GRAMD1B: variants seen among roughly 807,000 people sequenced by gnomAD.
The protein encoded by GRAMD1B is protein Aster-B.
Under a neutral mutation model 99.7 loss-of-function variants are expected in GRAMD1B, and 37 were observed. That is an observed-to-expected ratio of 0.37 (90% CI 0.29 to 0.49). The LOEUF is 0.49. Among genes scored for constraint, GRAMD1B ranks in the 20% least tolerant of loss-of-function variants. GRAMD1B has a pLI of 0.98. For missense variants in GRAMD1B, 888 were observed against 1,009.2 expected, an observed-to-expected ratio of 0.88 and a Z score of 1.63; for synonymous variants, 427 against 387.6, an observed-to-expected ratio of 1.10 and a Z score of -1.19.
At chr11:123,520,312 T>G (rs1047012147) in intron 2 of GRAMD1B, among the ~76,000 whole-genome samples, 2 of 152,154 alleles carry the variant, frequency 1.3e-5, no homozygotes, top group Admixed American at 6.5e-5. Flanking sequence ...TCTGTGAAAG[T>G]ATAGCTGTGA....
chr11:123,618,825 C>T, intron 18 of GRAMD1B, 25 bp downstream of exon 18: 2 of 1,160,438 alleles, frequency 1.7e-6, no homozygotes, highest in Non-Finnish European at 2.5e-6. Flanking sequence ...GTCCCCTCAC[C>T]TCCACCTTCA....
chr11:123,371,263 A>G (rs998944781), intron 1 of GRAMD1B, among the ~76,000 whole-genome samples: 7 of 151,954 alleles, frequency 4.6e-5, no homozygotes, highest in Admixed American at 1.3e-4. Flanking sequence ...ACCATCTTGG[A>G]TTAGTTAGTG....
chr11:123,528,218 G>A (rs1463154860), intron 2 of GRAMD1B, among the ~76,000 whole-genome samples: 1 of 152,104 alleles, frequency 6.6e-6, no homozygotes, highest in Non-Finnish European at 1.5e-5. Context: ...CTGGTACTCA[G>A]GGTACTCCCT....
chr11:123,519,564 T>G (rs1401525263), intron 2 of GRAMD1B, among the ~76,000 whole-genome samples: 5 of 152,206 alleles, frequency 3.3e-5, no homozygotes, highest in Non-Finnish European at 7.3e-5. Context: ...TGCCTGAGCT[T>G]AGAGCTTTGA....
Position 123,377,361 on chromosome 11 carries a change from T to C in GRAMD1B, c.-176+18562T>C, listed in dbSNP as rs1453105089. Among the ~76,000 whole-genome samples, 3 of 152,172 alleles carry C rather than the reference T, an allele frequency of 2.0e-5. No individual in the cohort carries two copies. The East Asian group carries it at 5.8e-4, about 29-fold the overall frequency. ...ACTTAATGATCATTCTCATGTTTGA[T>C]GAGATGTTCTGGGTGGATAAAGCAT... On this transcript the variant is annotated intron_variant, in intron 1 of 20. Transcript: ENST00000638157.
At chr11:123,414,595 C>A (rs1477386229) in intron 1 of GRAMD1B, among the ~76,000 whole-genome samples, 1 of 152,150 alleles carries the variant, frequency 6.6e-6, no homozygotes, top group African/African-American at 2.4e-5. Flanking sequence ...TCATCCCTAT[C>A]CCCCTTGTCT....
At chr11:123,436,756 A>AT (rs908404105) in intron 1 of GRAMD1B, among the ~76,000 whole-genome samples, 14 of 151,768 alleles carry the variant, frequency 9.2e-5, no homozygotes, top group Admixed American at 3.3e-4. Flanking sequence ...AGACGGCACA[A>AT]TTTTTTTTTA....
chr11:123,590,320 G>C (rs996641635), intron 4 of GRAMD1B, among the ~76,000 whole-genome samples: 1 of 152,204 alleles, frequency 6.6e-6, no homozygotes, highest in Non-Finnish European at 1.5e-5. Flanking sequence ...GGATGGATGG[G>C]TTGGTGAGGT....
At chr11:123,536,388 C>G (rs1591870268) in intron 2 of GRAMD1B, among the ~76,000 whole-genome samples, 1 of 152,206 alleles carries the variant, frequency 6.6e-6, no homozygotes, top group African/African-American at 2.4e-5. Context: ...GGACTCCAGC[C>G]TGGGTGACAG....
intron 2 of GRAMD1B, among the ~76,000 whole-genome samples, chr11:123,576,700 C>A (rs74562398): frequency 0.012 from 1,874 of 152,272 alleles, 43 homozygotes; most frequent in African/African-American, 0.042. Flanking sequence ...GAAGCAGGAA[C>A]CCACATGGCT....
chr11:123,358,940 T>G (rs1946046134), intron 1 of GRAMD1B: 1 of 152,288 alleles, frequency 6.6e-6, no homozygotes, highest in Non-Finnish European at 1.5e-5. Context: ...ATTTTCTTAG[T>G]GAAACATCAA....
At chr11:123,581,130 C>T (rs76255482) in intron 3 of GRAMD1B, among the ~76,000 whole-genome samples, 1,730 of 152,250 alleles carry the variant, frequency 0.011, 38 homozygotes, top group African/African-American at 0.039. Context: ...TAACCTGGGT[C>T]TGTTTCCAGG....
intron 2 of GRAMD1B, among the ~76,000 whole-genome samples, chr11:123,515,482 CA>C (rs1941584506): frequency 6.6e-6 from 1 of 152,076 alleles, no homozygotes; most frequent in African/African-American, 2.4e-5. Context: ...GCAAATATTC[CA>C]AAATCCAAAA....
chr11:123,606,617 G>A lies in GRAMD1B; in HGVS notation c.1332G>A (p.Gly444=). The change falls in exon 11 of 20, where the codon GGG becomes GGA. Residue 444 remains glycine (G), a synonymous_variant. Coordinates refer to ENST00000635736, the MANE Select transcript of GRAMD1B (RefSeq NM_001387025.1). ...GSSEAPVSFD[G]LPLEEEALEG... ...CTCTGTCTTGGCTCCAGTTTGATGGGCTGCCCCTGGAGGAAGAGGCGCTGG... is the reference window on the plus strand; with the variant it reads ...CTCTGTCTTGGCTCCAGTTTGATGGACTGCCCCTGGAGGAAGAGGCGCTGG... 1.2e-6 allele frequency: 2 copies of A among 1,609,552 alleles called. No individual in the cohort carries two copies. The highest frequency in any genetic ancestry group is 1.1e-5 in the South Asian group (1 of 89,696).
intron 11 of GRAMD1B, among the ~76,000 whole-genome samples, chr11:123,607,425 T>C (rs771895187): frequency 6.6e-6 from 1 of 152,180 alleles, no homozygotes; most frequent in Non-Finnish European, 1.5e-5. Flanking sequence ...ATTTCCTCCA[T>C]TGAGTGAGTG....
Position 123,610,623 on chromosome 11 carries a change from G to T in GRAMD1B, c.1919+285G>T, listed in dbSNP as rs570440005. Among the ~76,000 whole-genome samples, 1 of 152,320 alleles carries T rather than the reference G, an allele frequency of 6.6e-6. No homozygotes were observed. Among genetic ancestry groups the T allele is most frequent in the Non-Finnish European group, 1.5e-5 (1 of 68,034 alleles). ...AGGCGCTTTACCTACATTCACTGGA[G>T]TCTTTAGAACGACTCAAAGAGGTGG... On this transcript the variant is annotated intron_variant, in intron 14 of 19. Coordinates refer to ENST00000635736, the MANE Select transcript of GRAMD1B (RefSeq NM_001387025.1). This position sits in a 1 kb window ranked among gnomAD's most constrained non-coding sequence, Gnocchi z 4.1.
At chr11:123,414,991 T>C (rs148736203) in intron 1 of GRAMD1B, among the ~76,000 whole-genome samples, 103 of 152,142 alleles carry the variant, frequency 6.8e-4, no homozygotes, top group African/African-American at 2.4e-3. Context: ...TAAAACACAT[T>C]CAGAATGGCC....
At chr11:123,539,600 TCAAA>T (rs565393606) in intron 2 of GRAMD1B, among the ~76,000 whole-genome samples, 7 of 152,002 alleles carry the variant, frequency 4.6e-5, no homozygotes, top group South Asian at 2.1e-4. Flanking sequence ...AGACCCTGTC[TCAAA>T]CAAACAAACA....
At chr11:123,598,169 AT>A (rs1951517908) in intron 7 of GRAMD1B, 1 of 1,534,906 alleles carries the variant, frequency 6.5e-7, no homozygotes. Context: ...GCATGATGCC[AT>A]TCAGCAAAGT....
Sources: gnomAD v4.1 joint callset for allele counts (sites outside exome capture counted in the v4.1 genomes callset) on GRCh38, gnomAD v4.1.1 for gene constraint, Gnocchi (gnomAD v3.1) non-coding constraint, MANE v1.5 for transcripts, NCBI Gene and HGNC (gene_info 2026-07-23, HGNC 2026-07-21) for gene names.